ATAD2B: variants seen among roughly 807,000 people sequenced by gnomAD.
ATAD2B encodes ATPase family AAA domain containing 2B.
A neutral mutation model predicts 167.6 loss-of-function variants in ATAD2B; 40 were observed. The ratio of observed to expected loss-of-function variants is 0.24; its 90% CI spans 0.19 to 0.31. ATAD2B has a LOEUF of 0.31. Among genes scored for constraint, ATAD2B ranks in the 10% least tolerant of loss-of-function variants. ATAD2B has a pLI of 1.00. For missense variants in ATAD2B, 1,242 were observed against 1,757.2 expected, an observed-to-expected ratio of 0.71 and a Z score of 5.24; for synonymous variants, 579 against 596.5, an observed-to-expected ratio of 0.97 and a Z score of 0.43.
chr2:23,918,701 C>T (rs1327139521), intron 1 of ATAD2B, among the ~76,000 whole-genome samples: 3 of 152,170 alleles, frequency 2.0e-5, no homozygotes, highest in Non-Finnish European at 4.4e-5. Context: ...CAGTATACAA[C>T]AGCTGCCACC....
intron 8 of ATAD2B, chr2:23,873,027 G>C (rs1696247151): frequency 3.1e-6 from 2 of 647,672 alleles, no homozygotes. Context: ...CAGCGGGCTG[G>C]GGAGGCCCTA....
At chr2:23,779,208 C>T (rs1418829193) in intron 22 of ATAD2B, among the ~76,000 whole-genome samples, 2 of 136,032 alleles carry the variant, frequency 1.5e-5, no homozygotes, top group African/African-American at 5.6e-5. Context: ...CAGAGTCTCG[C>T]TCTGTCTCCC....
the ATAD2B span, among the ~76,000 whole-genome samples, chr2:23,683,235 A>G: frequency 6.6e-6 from 1 of 152,184 alleles, no homozygotes; most frequent in African/African-American, 2.4e-5. Flanking sequence ...GGGGCTGGAG[A>G]GCAGGGCTCA....
the ATAD2B span, among the ~76,000 whole-genome samples, chr2:23,742,482 C>T: frequency 1.7e-4 from 24 of 144,518 alleles, no homozygotes; most frequent in Middle Eastern, 7.6e-3. Flanking sequence ...CATGTTCTCA[C>T]TCATAGGTGG....
intron 27 of ATAD2B, among the ~76,000 whole-genome samples, chr2:23,752,325 T>C (rs755452298): frequency 1.1e-4 from 17 of 151,892 alleles, no homozygotes; most frequent in Non-Finnish European, 2.2e-4. Context: ...ACTCAACAAA[T>C]AACTAACTTA....
chr2:23,912,042 C>T (rs1300633482), intron 1 of ATAD2B, among the ~76,000 whole-genome samples: 1 of 151,364 alleles, frequency 6.6e-6, no homozygotes, highest in African/African-American at 2.4e-5. Context: ...AATCCTACAC[C>T]CCTAACTGCA....
At chr2:23,785,322 A>AG (rs761283763) in intron 21 of ATAD2B, among the ~76,000 whole-genome samples, 5 of 152,152 alleles carry the variant, frequency 3.3e-5, no homozygotes, top group African/African-American at 4.8e-5. Context: ...GAAAGAGGCC[A>AG]GTAAAGATTA....
intron 8 of ATAD2B, among the ~76,000 whole-genome samples, chr2:23,870,116 A>C (rs540917481): frequency 1.3e-5 from 2 of 151,852 alleles, no homozygotes; most frequent in Admixed American, 1.3e-4. Flanking sequence ...CTGAGGAAGA[A>C]GAATTGCTTG....
the ATAD2B span, among the ~76,000 whole-genome samples, chr2:23,716,800 C>T: frequency 6.6e-6 from 1 of 152,210 alleles, no homozygotes; most frequent in African/African-American, 2.4e-5. Flanking sequence ...CCCACATTCA[C>T]ACAGACTGGT....
At chr2:23,895,726 T>G in intron 2 of ATAD2B, 93 bp downstream of exon 2, 1 of 884,588 alleles carries the variant, frequency 1.1e-6, no homozygotes, top group Non-Finnish European at 1.6e-6. Flanking sequence ...ACAAGATACT[T>G]ATTTTATAAG....
chr2:23,925,604 ATC>A (rs142676791), intron 1 of ATAD2B, among the ~76,000 whole-genome samples: 186 of 152,318 alleles, frequency 1.2e-3, no homozygotes, highest in African/African-American at 4.4e-3. Flanking sequence ...TTCAGAAACA[ATC>A]TCATAGTAAA....
At chr2:23,870,319 C>G (rs1481776340) in intron 8 of ATAD2B, among the ~76,000 whole-genome samples, 1 of 126,928 alleles carries the variant, frequency 7.9e-6, no homozygotes, top group African/African-American at 2.9e-5. Flanking sequence ...CAGTGTCTCA[C>G]TCTGTCACCC....
chr2:23,778,152 G>A (rs1333839238), intron 22 of ATAD2B, among the ~76,000 whole-genome samples: 1 of 152,062 alleles, frequency 6.6e-6, no homozygotes, highest in Non-Finnish European at 1.5e-5. Flanking sequence ...GTTGCTTGAT[G>A]AAAGATATGA....
intron 1 of ATAD2B, among the ~76,000 whole-genome samples, chr2:23,898,581 C>G (rs1028310883): frequency 5.9e-5 from 9 of 152,202 alleles, no homozygotes; most frequent in African/African-American, 2.2e-4. Flanking sequence ...TTCTCAGGAC[C>G]TCTTGAGACT....
intron 4 of ATAD2B, among the ~76,000 whole-genome samples, chr2:23,886,667 C>G (rs949446144): frequency 1.3e-5 from 2 of 152,182 alleles, no homozygotes; most frequent in Non-Finnish European, 2.9e-5. Flanking sequence ...AGCGGTGGCT[C>G]ACGCCTGTAA....
chr2:23,885,687 G>A (rs72790304), intron 5 of ATAD2B, 40 bp downstream of exon 5: 212,230 of 1,249,170 alleles, frequency 0.17, 18,987 homozygotes, highest in Middle Eastern at 0.23. Flanking sequence ...CAATTAAAAT[G>A]AAAAATATTT....
intron 13 of ATAD2B, among the ~76,000 whole-genome samples, chr2:23,843,113 T>TA (rs1238201370): frequency 6.6e-6 from 1 of 151,830 alleles, no homozygotes; most frequent in African/African-American, 2.4e-5. Flanking sequence ...TTAAATAAAA[T>TA]AAAACATGCT....
chr2:23,876,622 C>T (rs1287252220), intron 7 of ATAD2B, among the ~76,000 whole-genome samples: 1 of 151,936 alleles, frequency 6.6e-6, no homozygotes, highest in Admixed American at 6.6e-5. Flanking sequence ...TTAAATAAAA[C>T]CTAGTCATGT....
intron 2 of ATAD2B, among the ~76,000 whole-genome samples, chr2:23,893,977 A>T (rs1323946173): frequency 6.6e-6 from 1 of 152,062 alleles, no homozygotes; most frequent in Non-Finnish European, 1.5e-5. Flanking sequence ...AAATCTTTTT[A>T]AATTGTGTGA....
Sources: allele counts gnomAD v4.1 joint callset (sites outside exome capture counted in the v4.1 genomes callset), GRCh38; gene constraint gnomAD v4.1.1; transcripts MANE v1.5; gene names NCBI Gene and HGNC (gene_info 2026-07-23, HGNC 2026-07-21).